The following KALRN variants were observed in gnomAD, a reference collection of about 807,000 sequenced individuals.
KALRN encodes the protein kalirin RhoGEF kinase.
In KALRN, 70 loss-of-function variants were observed where a neutral mutation model predicts 353.7. The observed-to-expected ratio is 0.20, with a 90% CI of 0.16 to 0.24. The LOEUF (loss-of-function observed/expected upper bound fraction) is 0.24, where lower values mean the gene tolerates loss of function less well. Ranked by LOEUF, KALRN falls within the 10% of genes least tolerant of loss-of-function variation. The pLI is 1.00. For synonymous variants in KALRN, 1,391 were observed against 1,434.8 expected (o/e 0.97, Z 0.69); for missense variants, 2,791 against 3,756.7 (o/e 0.74, Z 6.72).
At chr3:124,267,494 A>T (rs2073701205) in intron 4 of KALRN, among the ~76,000 whole-genome samples, 1 of 152,226 alleles carries the variant, frequency 6.6e-6, no homozygotes. Context: ...GAATCATCTG[A>T]GGGACTCTTA....
At chr3:124,222,523 C>T (rs576708027) in intron 1 of KALRN, among the ~76,000 whole-genome samples, 42 of 152,232 alleles carry the variant, frequency 2.8e-4, no homozygotes, top group African/African-American at 9.6e-4. Flanking sequence ...TCTGAGGCAA[C>T]TCTGGAATGG....
At chr3:124,400,802 T>C (rs1339058535) in intron 13 of KALRN, among the ~76,000 whole-genome samples, 3 of 152,220 alleles carry the variant, frequency 2.0e-5, no homozygotes, top group Non-Finnish European at 4.4e-5. Context: ...TGGGAGAGAA[T>C]ATATCCATGG....
At chr3:124,388,363 G>A (rs1228591842) in intron 11 of KALRN, among the ~76,000 whole-genome samples, 1 of 151,700 alleles carries the variant, frequency 6.6e-6, no homozygotes, top group Non-Finnish European at 1.5e-5. Flanking sequence ...TTCTTCATGG[G>A]TGCTTCCAAC....
At chr3:124,228,116 GT>G in intron 2 of KALRN, 52 bp downstream of exon 2, 1 of 1,377,010 alleles carries the variant, frequency 7.3e-7, no homozygotes, top group African/African-American at 1.4e-5. Context: ...AGTTGTGTGT[GT>G]GCACATGTGT....
chr3:124,298,686 T>G, intron 5 of KALRN, 105 bp from the exon 6 acceptor site: 1 of 1,305,686 alleles, frequency 7.7e-7, no homozygotes, highest in East Asian at 2.3e-5. Flanking sequence ...TGGTTCTCAC[T>G]GAGCACCAGC....
chr3:124,545,929 G>A (rs1171151327), intron 33 of KALRN, among the ~76,000 whole-genome samples: 2 of 152,268 alleles, frequency 1.3e-5, no homozygotes, highest in East Asian at 3.9e-4. Context: ...GAAAAGAGAT[G>A]CATTATGGTT....
At chr3:124,471,624 G>A (rs1385814518) in intron 25 of KALRN, among the ~76,000 whole-genome samples, 1 of 152,016 alleles carries the variant, frequency 6.6e-6, no homozygotes, top group Admixed American at 6.6e-5. Context: ...TCTTTAACTT[G>A]TGCTCAGTTG....
chr3:124,663,215 G>A (rs1211141757), intron 45 of KALRN, among the ~76,000 whole-genome samples: 1 of 152,188 alleles, frequency 6.6e-6, no homozygotes, highest in East Asian at 1.9e-4. Flanking sequence ...CCAAAGTGCT[G>A]GGATTATAGG....
intron 1 of KALRN, among the ~76,000 whole-genome samples, chr3:124,091,178 C>G (rs1272478542): frequency 6.6e-6 from 1 of 152,210 alleles, no homozygotes; most frequent in Non-Finnish European, 1.5e-5. Flanking sequence ...GTGTTTGATT[C>G]ATGTTACAAC....
intron 1 of KALRN, chr3:124,162,212 T>C (rs1310069645): frequency 6.6e-6 from 1 of 152,154 alleles, no homozygotes; most frequent in Non-Finnish European, 1.5e-5. Context: ...CTCCACAGGT[T>C]AGAAGACAGG....
chr3:124,287,987 C>T (rs963632876), intron 5 of KALRN, among the ~76,000 whole-genome samples: 3 of 151,652 alleles, frequency 2.0e-5, no homozygotes, highest in African/African-American at 7.3e-5. Context: ...GATTCTCCTG[C>T]CTTAGCCTCC....
chr3:124,591,172 T>G (rs2651621), intron 34 of KALRN, among the ~76,000 whole-genome samples: 60,819 of 151,994 alleles, frequency 0.4, 13,548 homozygotes, highest in African/African-American at 0.61. Flanking sequence ...ACTGAAGATG[T>G]CAGAGACCAC....
At chr3:124,657,021 C>T (rs572868787) in intron 39 of KALRN, among the ~76,000 whole-genome samples, 1 of 152,160 alleles carries the variant, frequency 6.6e-6, no homozygotes, top group Non-Finnish European at 1.5e-5. Flanking sequence ...GGGGATAATG[C>T]TACCTGTCCA....
At chr3:124,514,028 T>C (rs2066257329) in intron 33 of KALRN, among the ~76,000 whole-genome samples, 2 of 152,160 alleles carry the variant, frequency 1.3e-5, no homozygotes, top group Admixed American at 6.5e-5. Flanking sequence ...GTCGCAAAAA[T>C]CAGTCCTTGA....
chr3:124,562,923 G>A lies in KALRN; in HGVS notation c.5016G>A (p.Gly1672=). The change falls in exon 34 of 60, where the codon GGG becomes GGA. Residue 1672 remains glycine, a synonymous_variant. Transcript: ENST00000682506. ...GHSSELTIQV[G]QTVELLERPS... ...GCAGTGAGCTGACCATCCAGGTGGG[G>A]CAGACGGTAGAGCTGCTGGAGCGGC... is the stretch of plus-strand genomic sequence containing the variant. The A allele has an allele frequency of 2.2e-6, 3 of 1,367,900 alleles. No individual in the cohort carries two copies. Among genetic ancestry groups the A allele is most frequent in the Non-Finnish European group, 2.9e-6 (3 of 1,022,006 alleles). 84.7% of individuals were successfully genotyped at this position (1,367,900 alleles called of 1,614,324 possible).
In KALRN at chr3:124,484,927, A is replaced by C. The variant is rs557460848; in HGVS notation, c.4284+2027A>C. On this transcript the variant is annotated intron_variant, in intron 28 of 59. Transcript: ENST00000682506. ...AAGACCAGCCTGGCCAACATGGCGA[A>C]ACCCCGTCTCTACAAAAAATTAGCT... is the stretch of plus-strand genomic sequence containing the variant. 7.2e-4 allele frequency among the ~76,000 whole-genome samples: 110 copies of C among 152,132 alleles called. 1 individual carries two copies. Among genetic ancestry groups the C allele is most frequent in the East Asian group, 1.7e-3 (9 of 5,156 alleles).
At chr3:124,646,073 A>G (rs628635) in intron 37 of KALRN, among the ~76,000 whole-genome samples, 35,625 of 151,978 alleles carry the variant, frequency 0.23, 4,489 homozygotes, top group East Asian at 0.47. Context: ...CAGTTGTGAT[A>G]TGCAAATTTT....
At chr3:124,586,973 G>A (rs2075259756) in intron 34 of KALRN, among the ~76,000 whole-genome samples, 1 of 152,278 alleles carries the variant, frequency 6.6e-6, no homozygotes, top group South Asian at 2.1e-4. Context: ...CAGCCTGTAG[G>A]CATCAATTTG....
rs374038838 is a variant in KALRN, at chr3:124,296,239, C to T, written c.970-2552C>T. The stretch of plus-strand genomic sequence containing the variant: ...CCCCTTGAAACTCTCACAGGCCTCC[C>T]AAACTCAGCACATCTAAAACGGAAC... On this transcript the variant is annotated intron_variant, in intron 5 of 59. Transcript: ENST00000682506. Among the ~76,000 whole-genome samples, 2 of 152,280 alleles carry T rather than the reference C, an allele frequency of 1.3e-5. 1 individual carries two copies.
Sources: allele counts gnomAD v4.1 joint callset (sites outside exome capture counted in the v4.1 genomes callset), GRCh38; gene constraint gnomAD v4.1.1; transcripts MANE v1.5; gene names NCBI Gene and HGNC (gene_info 2026-07-23, HGNC 2026-07-21).